EYS: variants seen among roughly 807,000 people sequenced by gnomAD.
EYS encodes the protein protein eyes shut homolog.
Under a neutral mutation model 282.1 loss-of-function variants are expected in EYS, and 250 were observed. The ratio of observed to expected loss-of-function variants is 0.89; its 90% CI spans 0.80 to 0.98. The LOEUF is 0.98. EYS is among the 50% of genes least tolerant of loss of function. The pLI, the probability that EYS is intolerant of heterozygous loss-of-function variation, is 0.00. For synonymous variants in EYS, 1,355 were observed against 1,282.9 expected (o/e 1.06, Z -1.20); for missense variants, 4,016 against 3,709.0 (o/e 1.08, Z -2.15).
chr6:64,661,754 G>A (rs1041363250), intron 22 of EYS, among the ~76,000 whole-genome samples: 3 of 136,870 alleles, frequency 2.2e-5, no homozygotes, highest in African/African-American at 8.5e-5. Context: ...AGAGGATATG[G>A]AGAAATAGGA....
chr6:65,191,782 A>G (rs17640143), intron 12 of EYS, among the ~76,000 whole-genome samples: 5,300 of 151,888 alleles, frequency 0.035, 148 homozygotes, highest in Middle Eastern at 0.078. Context: ...TTACCCTTCA[A>G]TACAGCATGT....
chr6:63,879,037 G>A (rs562636758), intron 35 of EYS, among the ~76,000 whole-genome samples: 4 of 152,260 alleles, frequency 2.6e-5, no homozygotes, highest in South Asian at 4.1e-4. Flanking sequence ...TGTCTTCTAT[G>A]TCATTCACGT....
intron 11 of EYS, among the ~76,000 whole-genome samples, chr6:65,322,150 C>T (rs1644507434): frequency 1.3e-5 from 2 of 152,160 alleles, no homozygotes; most frequent in African/African-American, 4.8e-5. Context: ...TGAAACTGGA[C>T]TAGGCAGGTC....
intron 11 of EYS, among the ~76,000 whole-genome samples, chr6:65,305,871 A>G (rs1294702668): frequency 1.3e-5 from 2 of 152,116 alleles, no homozygotes; most frequent in African/African-American, 2.4e-5. Flanking sequence ...CACCTGAGGG[A>G]AAAAATGAGC....
chr6:64,605,527 T>C (rs982049238), intron 24 of EYS, among the ~76,000 whole-genome samples: 4 of 151,870 alleles, frequency 2.6e-5, no homozygotes, highest in Admixed American at 2.6e-4. Context: ...TAGTTATATA[T>C]AACATAACTA....
chr6:64,502,253 T>TTTTGTTTTG (rs1421563835), intron 26 of EYS, among the ~76,000 whole-genome samples: 6 of 74,090 alleles, frequency 8.1e-5, no homozygotes, highest in Non-Finnish European at 1.6e-4. Context: ...TTTTGTTTTG[T>TTTTGTTTTG]TTTTTTTGCC....
chr6:65,061,115 C>T (rs1773562394), intron 12 of EYS, among the ~76,000 whole-genome samples: 1 of 151,794 alleles, frequency 6.6e-6, no homozygotes, highest in Admixed American at 6.6e-5. Context: ...AGAGTGTGTT[C>T]CACATGATTT....
At chr6:65,334,472 G>A in intron 11 of EYS, among the ~76,000 whole-genome samples, 1 of 151,688 alleles carries the variant, frequency 6.6e-6, no homozygotes, top group Non-Finnish European at 1.5e-5. Context: ...TTATCACTAT[G>A]TTGCCCAGGC....
intron 1 of EYS, among the ~76,000 whole-genome samples, chr6:65,649,028 C>G (rs1767557631): frequency 6.6e-6 from 1 of 150,594 alleles, no homozygotes; most frequent in Admixed American, 6.7e-5. Flanking sequence ...CACCTGTAGT[C>G]TCAGCTACTC....
chr6:64,128,213 G>T (rs1178831055), intron 31 of EYS, among the ~76,000 whole-genome samples: 5 of 152,002 alleles, frequency 3.3e-5, no homozygotes, highest in Non-Finnish European at 7.4e-5. Flanking sequence ...TAGCTCCTTT[G>T]GATGTTTCAA....
intron 31 of EYS, among the ~76,000 whole-genome samples, chr6:64,198,776 G>C (rs1765376315): frequency 6.6e-6 from 1 of 152,088 alleles, no homozygotes; most frequent in East Asian, 1.9e-4. Flanking sequence ...AAATAGTGCT[G>C]CACTAAACAT....
intron 31 of EYS, among the ~76,000 whole-genome samples, chr6:64,156,022 ATGTG>A (rs140713143): frequency 0.012 from 1,803 of 146,940 alleles, 31 homozygotes; most frequent in African/African-American, 0.041. Flanking sequence ...GTGTATGTTT[ATGTG>A]TGTGTGTGTG....
chr6:65,273,185 T>C (rs1159435151), intron 12 of EYS, among the ~76,000 whole-genome samples: 3 of 152,190 alleles, frequency 2.0e-5, no homozygotes, highest in African/African-American at 7.2e-5. Flanking sequence ...ATTTCTGGAA[T>C]TTTCCATTTA....
chr6:65,559,289 C>G (rs1328688305), intron 2 of EYS, among the ~76,000 whole-genome samples: 1 of 152,014 alleles, frequency 6.6e-6, no homozygotes, highest in East Asian at 1.9e-4. Context: ...GGCTGAGGCA[C>G]AAGAACTGCT....
chr6:65,476,915 G>T (rs964997682), intron 5 of EYS, among the ~76,000 whole-genome samples: 2 of 152,056 alleles, frequency 1.3e-5, no homozygotes, highest in African/African-American at 4.8e-5. Context: ...ATTTGATTGG[G>T]TTATTAAGGT....
At chr6:64,794,844 T>C (rs1339342881) in intron 22 of EYS, among the ~76,000 whole-genome samples, 12 of 152,140 alleles carry the variant, frequency 7.9e-5, no homozygotes, top group Non-Finnish European at 1.8e-4. Context: ...TAAAGTCTTC[T>C]ATTATACCCC....
At chr6:64,692,907 C>T (rs1046464581) in intron 22 of EYS, among the ~76,000 whole-genome samples, 8 of 139,456 alleles carry the variant, frequency 5.7e-5, no homozygotes, top group Non-Finnish European at 1.2e-4. Flanking sequence ...TGTAGTACAG[C>T]TTGAAGTTCA....
intron 30 of EYS, among the ~76,000 whole-genome samples, chr6:64,276,606 T>C (rs1007943402): frequency 5.3e-5 from 8 of 152,032 alleles, no homozygotes; most frequent in Non-Finnish European, 1.0e-4. Flanking sequence ...CTAATATCAA[T>C]AAAAGGAAAG....
chr6:65,090,057 TTC>T (rs1179539081), intron 12 of EYS, among the ~76,000 whole-genome samples: 1 of 149,962 alleles, frequency 6.7e-6, no homozygotes, highest in Non-Finnish European at 1.5e-5. Context: ...AAGGCCATAA[TTC>T]TGTTTTGAAA....
Sources: gnomAD v4.1 joint callset for allele counts (sites outside exome capture counted in the v4.1 genomes callset) on GRCh38, gnomAD v4.1.1 for gene constraint, MANE v1.5 for transcripts, NCBI Gene and HGNC (gene_info 2026-07-23, HGNC 2026-07-21) for gene names.